Variants in SAAL1 observed in about 807,000 individuals in gnomAD.
SAAL1 encodes the protein protein SAAL1.
A neutral mutation model predicts 59.8 loss-of-function variants in SAAL1; 42 were observed. The ratio of observed to expected loss-of-function variants is 0.70; its 90% CI spans 0.55 to 0.91. The LOEUF is 0.91. Ranked by LOEUF, SAAL1 falls within the 40% of genes least tolerant of loss-of-function variation. The pLI is 0.00. For missense variants in SAAL1, 542 were observed against 561.1 expected, an observed-to-expected ratio of 0.97 and a Z score of 0.34; for synonymous variants, 191 against 194.3, an observed-to-expected ratio of 0.98 and a Z score of 0.14.
rs1373519241 is a variant in SAAL1 at position 18,081,399 on chromosome 11, A to G, written c.1332+12T>C. On this transcript the variant is annotated intron_variant, in intron 11 of 11. Transcript: ENST00000524803. ...AAAACTTGGCCACCTATATACATTTACCCATACTCACCACAGGGCTATAGA... is the reference window on the plus strand; with the variant it reads ...AAAACTTGGCCACCTATATACATTTGCCCATACTCACCACAGGGCTATAGA... The G allele has an allele frequency of 1.3e-6, 2 of 1,598,646 alleles. No individual in the cohort carries two copies. Among genetic ancestry groups the G allele is most frequent in the Admixed American group, 1.7e-5 (1 of 59,656 alleles).
At chr11:18,085,753 G>A (rs1445752011) in intron 9 of SAAL1, among the ~76,000 whole-genome samples, 1 of 152,118 alleles carries the variant, frequency 6.6e-6, no homozygotes, top group Non-Finnish European at 1.5e-5. Flanking sequence ...AATATATAGG[G>A]GAATTTTAAA....
intron 4 of SAAL1, among the ~76,000 whole-genome samples, chr11:18,091,381 A>T (rs1471845432): frequency 6.6e-6 from 1 of 152,240 alleles, no homozygotes; most frequent in Non-Finnish European, 1.5e-5. Context: ...TTGATAGAGA[A>T]CATTAGAGAC....
intron 4 of SAAL1, among the ~76,000 whole-genome samples, chr11:18,091,274 T>C (rs977841292): frequency 3.9e-5 from 6 of 152,312 alleles, no homozygotes; most frequent in African/African-American, 1.4e-4. Flanking sequence ...TCAACAAATT[T>C]ATATCCCATC....
rs773321932 is a variant in SAAL1 at position 18,096,779 on chromosome 11, G to A, written c.325C>T (p.Arg109Ter). 18 of 1,531,426 alleles carry A rather than the reference G, an allele frequency of 1.2e-5. No homozygotes were observed. The highest frequency in any genetic ancestry group is 1.4e-5 in the Non-Finnish European group (16 of 1,106,248). The allele number at this position is 1,531,426 out of a possible 1,614,324, so 94.9% of individuals were successfully genotyped here. A position where few individuals can be genotyped will look rare whatever the true frequency, so the allele number is the denominator to read the frequency against. ...GAAATGTACATACTTACTCTTAATC[G>A]AGGACACTTGGACTTGGCCAGTACT... ...MGVLAKSKCP[R>*]LREICVGILG... is the part of the protein sequence containing the mutation. The change falls in exon 3 of 12, where the codon CGA (arginine) becomes TGA (stop). Residue 109 changes from arginine (R) to a stop codon, truncating the protein, a stop_gained. Coordinates refer to ENST00000524803, the MANE Select transcript of SAAL1 (RefSeq NM_138421.3). LOFTEE classifies it high-confidence loss of function.
At chr11:18,102,676 T>C (rs1366862254) in intron 2 of SAAL1, among the ~76,000 whole-genome samples, 1 of 152,292 alleles carries the variant, frequency 6.6e-6, no homozygotes, top group East Asian at 1.9e-4. Context: ...AAAGATTACA[T>C]AGGTCATTTA....
intron 10 of SAAL1, among the ~76,000 whole-genome samples, chr11:18,082,161 G>A (rs1047919104): frequency 1.3e-5 from 2 of 151,944 alleles, no homozygotes; most frequent in African/African-American, 2.4e-5. Context: ...AAGAAATATC[G>A]ATGTCCCTTG....
intron 9 of SAAL1, among the ~76,000 whole-genome samples, chr11:18,084,854 CT>C (rs1848446597): frequency 6.6e-6 from 1 of 152,164 alleles, no homozygotes; most frequent in Admixed American, 6.5e-5. Flanking sequence ...CAGCCTCTGC[CT>C]CCCAGGTTCG....
chr11:18,090,721 C>T (rs1848515571), intron 4 of SAAL1: 1 of 383,572 alleles, frequency 2.6e-6, no homozygotes, highest in Non-Finnish European at 4.6e-6. Context: ...TTCCAAATCA[C>T]AATTCTCTTT....
chr11:18,083,498 T>C (rs746032752), intron 10 of SAAL1, 37 bp downstream of exon 10: 5 of 1,258,730 alleles, frequency 4.0e-6, no homozygotes, highest in Non-Finnish European at 5.5e-6. Context: ...ACCCACACTT[T>C]CTTTTGCTTA....
At position 18,087,223 on chromosome 11, in the gene SAAL1, GAACTA is replaced by G. The variant is rs1848473618; in HGVS notation, c.771-3_772del. ...AACATCAAGCCATTCTGGATTTTCA[GAACTA>G]AATAGGAAAAGTAAAAGCACTGAAT... On this transcript the variant is annotated splice_acceptor_variant and splice_polypyrimidine_tract_variant and coding_sequence_variant and intron_variant, in exon 8 of 12. Transcript: ENST00000524803. LOFTEE classifies it high-confidence loss of function. 2.5e-6 allele frequency: 4 copies of G among 1,603,332 alleles called. No homozygotes were observed. The highest frequency in any genetic ancestry group is 3.4e-6 in the Non-Finnish European group (4 of 1,170,494).
At chr11:18,085,380 CAAT>C (rs1034912859) in intron 9 of SAAL1, among the ~76,000 whole-genome samples, 5 of 152,162 alleles carry the variant, frequency 3.3e-5, no homozygotes, top group South Asian at 2.1e-4. Flanking sequence ...TATATTCCAA[CAAT>C]AATAATCAGT....
chr11:18,095,426 A>G (rs906988435), intron 3 of SAAL1, among the ~76,000 whole-genome samples: 1 of 152,178 alleles, frequency 6.6e-6, no homozygotes, highest in African/African-American at 2.4e-5. Flanking sequence ...TTCTACTTAA[A>G]TAAGAATTCT....
At chr11:18,081,646 A>G in intron 10 of SAAL1, 143 bp from the exon 11 acceptor site, 1 of 635,826 alleles carries the variant, frequency 1.6e-6, no homozygotes, top group Non-Finnish European at 2.8e-6. Context: ...AACATCAAGG[A>G]GGCTTATGTA....
chr11:18,101,810 C>A (rs1848636709), intron 2 of SAAL1, among the ~76,000 whole-genome samples: 6 of 133,918 alleles, frequency 4.5e-5, no homozygotes, highest in Non-Finnish European at 4.7e-5. Flanking sequence ...AATGGAATAC[C>A]ATTCAGCAAT....
Position 18,090,257 on chromosome 11 carries a change from C to A in SAAL1, c.507G>T (p.Val169=). 6.2e-6 allele frequency: 10 copies of A among 1,607,034 alleles called. No individual in the cohort carries two copies. The highest frequency in any genetic ancestry group is 1.7e-5 in the Admixed American group (1 of 58,866). Residue 169 remains valine, a synonymous_variant, in exon 6 of 12, where the codon GTG becomes GTT. Transcript: ENST00000524803. ...LLLTCLSQAE[V]ASVWVERIQE... ...GGATCCTTTCAACCCAAACACTGGC[C>A]ACTTCTGCCTGGGAAAGGCAAGTAA...
At chr11:18,083,937 T>C (rs967524618) in intron 9 of SAAL1, among the ~76,000 whole-genome samples, 4 of 152,230 alleles carry the variant, frequency 2.6e-5, no homozygotes, top group African/African-American at 9.7e-5. Flanking sequence ...GGTTAAGTTC[T>C]ATGAAGGAAA....
At chr11:18,083,791 T>C (rs943982885) in intron 9 of SAAL1, 60 bp from the exon 10 acceptor site, 3 of 1,095,626 alleles carry the variant, frequency 2.7e-6, no homozygotes, top group African/African-American at 3.1e-5. Context: ...TTCATTCATA[T>C]GTATTGAATT....
intron 7 of SAAL1, 80 bp downstream of exon 7, chr11:18,089,250 T>C: frequency 8.0e-7 from 1 of 1,254,566 alleles, no homozygotes; most frequent in East Asian, 2.5e-5. Flanking sequence ...TTGTAAGGAA[T>C]ATAAGAAGAC....
chr11:18,101,090 T>G (rs980753514), intron 2 of SAAL1, among the ~76,000 whole-genome samples: 33 of 152,172 alleles, frequency 2.2e-4, no homozygotes, highest in African/African-American at 7.7e-4. Context: ...CTTATTAGCA[T>G]GGCTAAAATT....
Sources: allele counts gnomAD v4.1 joint callset (sites outside exome capture counted in the v4.1 genomes callset), GRCh38; gene constraint gnomAD v4.1.1; transcripts MANE v1.5; gene names NCBI Gene and HGNC (gene_info 2026-07-23, HGNC 2026-07-21).